ZFPM2: variants seen among roughly 807,000 people sequenced by gnomAD.
ZFPM2 encodes zinc finger protein, FOG family member 2.
In ZFPM2, 20 loss-of-function variants were observed where a neutral mutation model predicts 98.6. That is an observed-to-expected ratio of 0.20 (90% CI 0.14 to 0.29). The LOEUF (loss-of-function observed/expected upper bound fraction) is 0.29. Among genes scored for constraint, ZFPM2 ranks in the 10% least tolerant of loss-of-function variants. ZFPM2 has a pLI of 1.00. For synonymous variants in ZFPM2, 518 were observed against 502.7 expected (o/e 1.03, Z -0.41); for missense variants, 1,310 against 1,388.6 (o/e 0.94, Z 0.90).
intron 5 of ZFPM2, among the ~76,000 whole-genome samples, chr8:105,701,377 G>GTC (rs1563527733): frequency 6.6e-6 from 1 of 152,050 alleles, no homozygotes; most frequent in Non-Finnish European, 1.5e-5. Context: ...TTTATATTCT[G>GTC]TCTCTATCTG....
At chr8:105,437,084 T>C (rs1812135400) in intron 2 of ZFPM2, among the ~76,000 whole-genome samples, 1 of 152,192 alleles carries the variant, frequency 6.6e-6, no homozygotes, top group Admixed American at 6.5e-5. Context: ...AAGAAAAGAT[T>C]AAATAATTAG....
chr8:105,472,124 G>T (rs1812916368), intron 3 of ZFPM2, among the ~76,000 whole-genome samples: 1 of 152,240 alleles, frequency 6.6e-6, no homozygotes, highest in South Asian at 2.1e-4. Context: ...CACTTTAGTT[G>T]GCAAAGCTTA....
At chr8:105,654,848 C>T (rs1258383351) in intron 5 of ZFPM2, among the ~76,000 whole-genome samples, 2 of 152,122 alleles carry the variant, frequency 1.3e-5, no homozygotes, top group Non-Finnish European at 2.9e-5. Context: ...TCAGATCTGC[C>T]TTATAGTCAT....
At chr8:105,380,645 T>TA (rs1554599590) in intron 1 of ZFPM2, among the ~76,000 whole-genome samples, 7 of 25,696 alleles carry the variant, frequency 2.7e-4, no homozygotes, top group African/African-American at 1.4e-3. Flanking sequence ...TATATATATA[T>TA]TATATATATA....
At chr8:105,752,809 C>A (rs1035752547) in intron 5 of ZFPM2, among the ~76,000 whole-genome samples, 3 of 151,780 alleles carry the variant, frequency 2.0e-5, no homozygotes, top group African/African-American at 7.3e-5. Flanking sequence ...AATAGAAAAC[C>A]TTTTTTTCCC....
At chr8:105,671,312 C>T (rs1390222295) in intron 5 of ZFPM2, among the ~76,000 whole-genome samples, 1 of 151,548 alleles carries the variant, frequency 6.6e-6, no homozygotes, top group Admixed American at 6.6e-5. Context: ...TTGAGCTCTT[C>T]GAATTGTCTT....
At chr8:105,752,354 A>G (rs532514689) in intron 5 of ZFPM2, among the ~76,000 whole-genome samples, 3 of 152,162 alleles carry the variant, frequency 2.0e-5, no homozygotes, top group Non-Finnish European at 4.4e-5. Context: ...ACATCTGCTC[A>G]GCACAGACTT....
chr8:105,748,630 C>T (rs1016704363), intron 5 of ZFPM2, among the ~76,000 whole-genome samples: 1 of 151,956 alleles, frequency 6.6e-6, no homozygotes, highest in African/African-American at 2.4e-5. Flanking sequence ...TTATGTGGCT[C>T]ACCTCAATGA....
At chr8:105,569,641 A>G (rs1009348573) in intron 4 of ZFPM2, among the ~76,000 whole-genome samples, 1 of 152,192 alleles carries the variant, frequency 6.6e-6, no homozygotes, top group Non-Finnish European at 1.5e-5. Flanking sequence ...CAACCCTTGG[A>G]TGCAGCTAGG....
chr8:105,708,077 C>A (rs1297999620), intron 5 of ZFPM2, among the ~76,000 whole-genome samples: 1 of 152,134 alleles, frequency 6.6e-6, no homozygotes, highest in Non-Finnish European at 1.5e-5. Flanking sequence ...CTAGTCCCAA[C>A]AAGATTAGGA....
chr8:105,408,794 G>T (rs538542363), intron 1 of ZFPM2, among the ~76,000 whole-genome samples: 2 of 151,832 alleles, frequency 1.3e-5, no homozygotes, highest in Non-Finnish European at 2.9e-5. Flanking sequence ...AACTGGCAGT[G>T]TTCCAGGAGC....
At chr8:105,800,026 G>A (rs1358739625) in intron 7 of ZFPM2, among the ~76,000 whole-genome samples, 1 of 152,002 alleles carries the variant, frequency 6.6e-6, no homozygotes, top group Non-Finnish European at 1.5e-5. Flanking sequence ...AAACATATTG[G>A]TTGTCTCAGA....
intron 3 of ZFPM2, among the ~76,000 whole-genome samples, chr8:105,543,083 A>C (rs552502961): frequency 1.6e-4 from 25 of 152,288 alleles, no homozygotes; most frequent in Non-Finnish European, 2.6e-4. Flanking sequence ...GATCTTAGTG[A>C]TATTAATAGA....
At chr8:105,694,867 A>C (rs187490358) in intron 5 of ZFPM2, among the ~76,000 whole-genome samples, 1 of 152,330 alleles carries the variant, frequency 6.6e-6, no homozygotes, top group African/African-American at 2.4e-5. Context: ...AATTTCAAAC[A>C]TACATCTTTA....
intron 1 of ZFPM2, among the ~76,000 whole-genome samples, chr8:105,342,162 T>A (rs1012232501): frequency 6.6e-6 from 1 of 152,032 alleles, no homozygotes; most frequent in African/African-American, 2.4e-5. Context: ...TTTTCATGAA[T>A]ATGGAGATTA....
chr8:105,495,367 C>T (rs1046054400), intron 3 of ZFPM2, among the ~76,000 whole-genome samples: 1 of 152,146 alleles, frequency 6.6e-6, no homozygotes, highest in Non-Finnish European at 1.5e-5. Flanking sequence ...GCACATTGTG[C>T]ACATGTACCC....
intron 5 of ZFPM2, among the ~76,000 whole-genome samples, chr8:105,772,821 C>A (rs1258076616): frequency 6.6e-6 from 1 of 151,994 alleles, no homozygotes; most frequent in Admixed American, 6.6e-5. Flanking sequence ...AAAATTTAGC[C>A]CTAGTCACTT....
In ZFPM2 at chr8:105,759,847, A is replaced by G. The variant is rs79283467; in HGVS notation, c.533-28871A>G. On this transcript the variant is annotated intron_variant, in intron 5 of 7. Transcript: ENST00000407775. ...CTCCTTAATGTTCCTGACCATTGCC[A>G]GGGATAATGATATCCCTACATTTAA... Among the ~76,000 whole-genome samples, 1,006 of 152,108 alleles carry G rather than the reference A, an allele frequency of 6.6e-3. 3 individuals carry two copies. Among genetic ancestry groups the G allele is most frequent in the Non-Finnish European group, 0.011 (731 of 67,972 alleles).
At position 105,626,356 on chromosome 8, in the gene ZFPM2, GATTTCACAT is replaced by G. The variant is rs549440136; in HGVS notation, c.421-7888_421-7880del. On this transcript the variant is annotated intron_variant, in intron 4 of 7. Transcript: ENST00000407775. ...TCAAATTCAATTCACTGTCCCTAGAGATTTCACATAGTTAAAAGGAGAGTGATACAATAT... is the reference window on the plus strand; with the variant it reads ...TCAAATTCAATTCACTGTCCCTAGAGAGTTAAAAGGAGAGTGATACAATAT... Among the ~76,000 whole-genome samples the G allele has an allele frequency of 1.6e-4, 24 of 152,300 alleles. No individual in the cohort carries two copies. The South Asian group carries it at 4.8e-3, about 30-fold the overall frequency.
Sources: gnomAD v4.1 joint callset for allele counts (sites outside exome capture counted in the v4.1 genomes callset) on GRCh38, gnomAD v4.1.1 for gene constraint, MANE v1.5 for transcripts, NCBI Gene and HGNC (gene_info 2026-07-23, HGNC 2026-07-21) for gene names.